The following RBFOX1 variants were observed in gnomAD, a reference collection of about 807,000 sequenced individuals.
RBFOX1 encodes the protein RNA binding protein fox-1 homolog 1.
In RBFOX1, 8 loss-of-function variants were observed where a neutral mutation model predicts 57.7. The ratio of observed to expected loss-of-function variants is 0.14; its 90% CI spans 0.08 to 0.25. The LOEUF (loss-of-function observed/expected upper bound fraction) is 0.25, where lower values mean the gene tolerates loss of function less well. RBFOX1 is among the 10% of genes least tolerant of loss of function. The pLI is 1.00. For synonymous variants in RBFOX1, 326 were observed against 222.4 expected (o/e 1.47, Z -4.15); for missense variants, 611 against 548.5 (o/e 1.11, Z -1.14).
chr16:6,810,830 C>T (rs906146021), intron 3 of RBFOX1, among the ~76,000 whole-genome samples: 8 of 152,110 alleles, frequency 5.3e-5, no homozygotes, highest in East Asian at 1.9e-4. Context: ...AACAGTGTGC[C>T]GGGAAAGGTC....
At chr16:6,035,506 A>G (rs902841582) in intron 1 of RBFOX1, among the ~76,000 whole-genome samples, 6 of 150,598 alleles carry the variant, frequency 4.0e-5, no homozygotes, top group Non-Finnish European at 8.9e-5. Flanking sequence ...ATTGCCTGGT[A>G]AAGTAGACTT....
chr16:7,362,897 C>T (rs1470551974), intron 4 of RBFOX1, among the ~76,000 whole-genome samples: 1 of 152,154 alleles, frequency 6.6e-6, no homozygotes, highest in Non-Finnish European at 1.5e-5. Flanking sequence ...TCAGATATTG[C>T]TGGAGTCATT....
chr16:6,396,688 CT>C (rs2092849858), intron 2 of RBFOX1, among the ~76,000 whole-genome samples: 1 of 152,028 alleles, frequency 6.6e-6, no homozygotes, highest in Non-Finnish European at 1.5e-5. Context: ...AAAATTCAGC[CT>C]CATTAATATA....
At chr16:5,597,416 G>C (rs1310219459) in intron 2 of RBFOX1, among the ~76,000 whole-genome samples, 1 of 65,920 alleles carries the variant, frequency 1.5e-5, no homozygotes, top group Non-Finnish European at 3.3e-5. Flanking sequence ...TTTTTTTTTT[G>C]AGTTGGGGTT....
chr16:7,100,822 T>C (rs747199388), intron 4 of RBFOX1, among the ~76,000 whole-genome samples: 1 of 152,142 alleles, frequency 6.6e-6, no homozygotes, highest in Non-Finnish European at 1.5e-5. Flanking sequence ...ACTAAAAATG[T>C]GTTGTCAAAT....
At chr16:7,367,945 C>T (rs1263561983) in intron 4 of RBFOX1, among the ~76,000 whole-genome samples, 1 of 151,740 alleles carries the variant, frequency 6.6e-6, no homozygotes, top group Non-Finnish European at 1.5e-5. Flanking sequence ...ACATCATTAG[C>T]CCAAGGGTCA....
At chr16:6,875,762 T>C (rs1304165098) in intron 3 of RBFOX1, among the ~76,000 whole-genome samples, 1 of 152,126 alleles carries the variant, frequency 6.6e-6, no homozygotes, top group Admixed American at 6.5e-5. Context: ...AGCAGCACTT[T>C]GGGAGGCCAT....
intron 4 of RBFOX1, among the ~76,000 whole-genome samples, chr16:7,482,638 C>G (rs190502200): frequency 4.5e-4 from 66 of 147,556 alleles, no homozygotes; most frequent in Admixed American, 5.5e-4. Context: ...CAAGAGAACC[C>G]AGGAGGAAGA....
intron 1 of RBFOX1, among the ~76,000 whole-genome samples, chr16:5,286,560 C>T (rs1447940801): frequency 1.3e-5 from 2 of 152,084 alleles, no homozygotes; most frequent in African/African-American, 2.4e-5. Context: ...TACAACTTAC[C>T]CTCACAGCTC....
At chr16:6,279,245 C>T (rs1264565837) in intron 1 of RBFOX1, among the ~76,000 whole-genome samples, 1 of 152,156 alleles carries the variant, frequency 6.6e-6, no homozygotes, top group Non-Finnish European at 1.5e-5. Context: ...GTCTGGTTAT[C>T]AATTTCTGTA....
At chr16:6,806,823 T>TAAATATATATATATAA (rs1236234265) in intron 3 of RBFOX1, among the ~76,000 whole-genome samples, 3,104 of 81,352 alleles carry the variant, frequency 0.038, 54 homozygotes, top group African/African-American at 0.07. Context: ...TATAAATATA[T>TAAATATATATATATAA]ATATATATAT....
At chr16:5,732,939 C>T (rs146092951) in intron 3 of RBFOX1, among the ~76,000 whole-genome samples, 1 of 152,070 alleles carries the variant, frequency 6.6e-6, no homozygotes, top group Non-Finnish European at 1.5e-5. Flanking sequence ...AAGGAGTCAA[C>T]TTGGTGGGTT....
At chr16:7,304,138 A>C in intron 4 of RBFOX1, 1 of 868,146 alleles carries the variant, frequency 1.2e-6, no homozygotes, top group Non-Finnish European at 1.4e-6. Flanking sequence ...AGGCGGGGAG[A>C]GCCAGGGAGG....
intron 4 of RBFOX1, among the ~76,000 whole-genome samples, chr16:7,203,870 C>T (rs552093232): frequency 1.3e-5 from 2 of 152,326 alleles, no homozygotes; most frequent in East Asian, 1.9e-4. Context: ...TCCAGAGAGC[C>T]AGTCCTCAGA....
chr16:6,906,182 C>G (rs909932557), intron 3 of RBFOX1, among the ~76,000 whole-genome samples: 1 of 151,866 alleles, frequency 6.6e-6, no homozygotes, highest in South Asian at 2.1e-4. Flanking sequence ...GAGAAAACGT[C>G]GAAGCAGATT....
chr16:6,735,919 C>T (rs12446253), intron 3 of RBFOX1, among the ~76,000 whole-genome samples: 151,972 of 151,972 alleles, frequency 1, 75,986 homozygotes, highest in Non-Finnish European at 1. Flanking sequence ...GAGTTTTTGT[C>T]GCCATTTTTT....
chr16:5,311,135 T>C (rs543678778), intron 1 of RBFOX1, among the ~76,000 whole-genome samples: 13 of 152,350 alleles, frequency 8.5e-5, no homozygotes, highest in African/African-American at 3.1e-4. Flanking sequence ...AATAATGGCC[T>C]CTAGCTCCAT....
chr16:6,827,138 T>A (rs748895356), intron 3 of RBFOX1, among the ~76,000 whole-genome samples: 1 of 152,136 alleles, frequency 6.6e-6, no homozygotes, highest in African/African-American at 2.4e-5. Context: ...ATATAAGATA[T>A]ACCATCCTAA....
chr16:5,709,762 C>A (rs1466345240), intron 3 of RBFOX1, among the ~76,000 whole-genome samples: 1 of 127,554 alleles, frequency 7.8e-6, no homozygotes, highest in Non-Finnish European at 1.6e-5. Flanking sequence ...ACCAATATCT[C>A]CCATTTATGA....
Sources: gnomAD v4.1 joint callset for allele counts (sites outside exome capture counted in the v4.1 genomes callset) on GRCh38, gnomAD v4.1.1 for gene constraint, MANE v1.5 for transcripts, NCBI Gene and HGNC (gene_info 2026-07-23, HGNC 2026-07-21) for gene names.